The following PPP1R21 variants were observed in gnomAD, a reference collection of about 807,000 sequenced individuals.
The protein encoded by PPP1R21 is KLRAQ motif containing 1.
Under a neutral mutation model 112.8 loss-of-function variants are expected in PPP1R21, and 85 were observed. That is an observed-to-expected ratio of 0.75 (90% CI 0.63 to 0.90). PPP1R21 has a LOEUF of 0.90. PPP1R21 is among the 40% of genes least tolerant of loss of function. The pLI is 0.00. For missense variants in PPP1R21, 1,199 were observed against 901.5 expected, an observed-to-expected ratio of 1.33 and a Z score of -4.23; for synonymous variants, 381 against 322.3, an observed-to-expected ratio of 1.18 and a Z score of -1.95.
intron 21 of PPP1R21, among the ~76,000 whole-genome samples, chr2:48,513,637 C>T (rs1169967970): frequency 1.3e-5 from 2 of 152,118 alleles, no homozygotes; most frequent in East Asian, 1.9e-4. Flanking sequence ...GTTTGCTTTT[C>T]CCCCATTTAG....
chr2:48,496,215 GA>G (rs554785053), intron 16 of PPP1R21, among the ~76,000 whole-genome samples: 1,786 of 148,854 alleles, frequency 0.012, 29 homozygotes, highest in African/African-American at 0.04. Flanking sequence ...AGAAAAAAAG[GA>G]AAAAAAAAAT....
chr2:48,444,186 G>A (rs1366812468), intron 1 of PPP1R21, among the ~76,000 whole-genome samples: 1 of 152,206 alleles, frequency 6.6e-6, no homozygotes, highest in Non-Finnish European at 1.5e-5. Context: ...TTATGGAAAG[G>A]TTAGTAAAAA....
At chr2:48,501,204 G>A (rs138258534) in intron 17 of PPP1R21, among the ~76,000 whole-genome samples, 27 of 152,308 alleles carry the variant, frequency 1.8e-4, no homozygotes, top group African/African-American at 6.3e-4. Flanking sequence ...CATCCAAATA[G>A]CATTTAAGAA....
chr2:48,489,344 T>C lies in PPP1R21; in HGVS notation c.1447-1674T>C, dbSNP rs181740352. ...ATGGCAAGACCTCATCTCTACAAAA[T>C]TAAAAAATCAGCCACACATGATGGT... On this transcript the variant is annotated intron_variant, in intron 14 of 21. Coordinates refer to ENST00000294952, the MANE Select transcript of PPP1R21 (RefSeq NM_001135629.3). Among the ~76,000 whole-genome samples, 248 of 147,248 alleles carry C rather than the reference T, an allele frequency of 1.7e-3. 1 individual carries two copies. Among genetic ancestry groups the C allele is most frequent in the African/African-American group, 5.8e-3 (234 of 40,106 alleles).
intron 14 of PPP1R21, among the ~76,000 whole-genome samples, chr2:48,488,166 C>T (rs947637057): frequency 3.3e-5 from 5 of 152,072 alleles, no homozygotes; most frequent in African/African-American, 7.2e-5. Flanking sequence ...ATGATTAAAA[C>T]GTGTTATCTT....
At chr2:48,449,217 C>G (rs761937148) in intron 1 of PPP1R21, among the ~76,000 whole-genome samples, 7 of 151,968 alleles carry the variant, frequency 4.6e-5, no homozygotes, top group African/African-American at 1.7e-4. Flanking sequence ...TGAATCTGTT[C>G]TAATAATAAG....
chr2:48,471,672 A>G (rs1014708347), intron 11 of PPP1R21, among the ~76,000 whole-genome samples: 3 of 152,190 alleles, frequency 2.0e-5, no homozygotes, highest in Non-Finnish European at 2.9e-5. Context: ...GTTAGGATCT[A>G]TAAATTTTAG....
chr2:48,447,493 G>A (rs190495216), intron 1 of PPP1R21, among the ~76,000 whole-genome samples: 23 of 152,144 alleles, frequency 1.5e-4, no homozygotes, highest in Admixed American at 3.3e-4. Flanking sequence ...AGACTTCAGG[G>A]CAGTTGTTTC....
chr2:48,472,513 C>G (rs1187866202), intron 11 of PPP1R21, among the ~76,000 whole-genome samples: 4 of 151,490 alleles, frequency 2.6e-5, no homozygotes, highest in African/African-American at 9.7e-5. Flanking sequence ...GTAGTCCCAG[C>G]TACTTGGGAG....
chr2:48,459,680 A>G, intron 4 of PPP1R21, 74 bp from the exon 5 acceptor site: 2 of 1,503,566 alleles, frequency 1.3e-6, no homozygotes, highest in African/African-American at 1.4e-5. Flanking sequence ...CTCAGTGAAT[A>G]GTCACTGCTG....
At chr2:48,458,838 A>G (rs562104000) in intron 4 of PPP1R21, among the ~76,000 whole-genome samples, 3 of 152,222 alleles carry the variant, frequency 2.0e-5, no homozygotes, top group Admixed American at 2.0e-4. Flanking sequence ...CATGCCTGTA[A>G]TCCCAGCACT....
intron 12 of PPP1R21, 39 bp downstream of exon 12, chr2:48,474,858 T>C (rs1252888523): frequency 5.7e-6 from 9 of 1,582,372 alleles, no homozygotes; most frequent in African/African-American, 1.4e-5. Flanking sequence ...CTTCAAGGAC[T>C]TAAGAGTACA....
chr2:48,453,616 T>C (rs1447206527), intron 2 of PPP1R21, among the ~76,000 whole-genome samples: 1 of 152,226 alleles, frequency 6.6e-6, no homozygotes, highest in Admixed American at 6.5e-5. Context: ...TGAAACTAAA[T>C]ATTTCTCTTT....
At chr2:48,478,917 C>T (rs1443388960) in intron 12 of PPP1R21, among the ~76,000 whole-genome samples, 1 of 152,244 alleles carries the variant, frequency 6.6e-6, no homozygotes, top group African/African-American at 2.4e-5. Flanking sequence ...GCTTGCTTAT[C>T]TCCTGGGCTA....
At chr2:48,448,010 T>C (rs1667322797) in intron 1 of PPP1R21, among the ~76,000 whole-genome samples, 1 of 151,626 alleles carries the variant, frequency 6.6e-6, no homozygotes, top group Non-Finnish European at 1.5e-5. Flanking sequence ...TAAGAGCAGC[T>C]CAGGATTTTA....
At chr2:48,512,178 C>G (rs1670671136) in intron 21 of PPP1R21, among the ~76,000 whole-genome samples, 1 of 151,666 alleles carries the variant, frequency 6.6e-6, no homozygotes, top group Non-Finnish European at 1.5e-5. Context: ...CTTGGAATGT[C>G]TTACCCTTTT....
intron 8 of PPP1R21, 53 bp downstream of exon 8, chr2:48,465,042 C>A (rs371337442): frequency 4.0e-4 from 564 of 1,404,574 alleles, no homozygotes; most frequent in Non-Finnish European, 5.2e-4. Context: ...ATCAGACTTT[C>A]CAGAAACAAG....
chr2:48,507,218 G>A, intron 18 of PPP1R21, 51 bp from the exon 19 acceptor site: 6 of 1,143,436 alleles, frequency 5.2e-6, no homozygotes, highest in Non-Finnish European at 6.9e-6. Flanking sequence ...TTCTAGAAAT[G>A]CTTCATCTCA....
chr2:48,482,886 T>G (rs914208154), intron 13 of PPP1R21, among the ~76,000 whole-genome samples: 20 of 152,088 alleles, frequency 1.3e-4, no homozygotes, highest in African/African-American at 4.3e-4. Context: ...ATCAACTAGA[T>G]AGTAAGCCCA....
Sources: gnomAD v4.1 joint callset for allele counts (sites outside exome capture counted in the v4.1 genomes callset) on GRCh38, gnomAD v4.1.1 for gene constraint, MANE v1.5 for transcripts, NCBI Gene and HGNC (gene_info 2026-07-23, HGNC 2026-07-21) for gene names.